PPP6R3: variants seen among roughly 807,000 people sequenced by gnomAD.
The protein encoded by PPP6R3 is serine/threonine-protein phosphatase 6 regulatory subunit 3.
PPP6R3 carries 38 observed loss-of-function variants against 110.7 expected under a neutral mutation model. That is an observed-to-expected ratio of 0.34 (90% CI 0.26 to 0.45). The LOEUF is 0.45. Ranked by LOEUF, PPP6R3 falls within the 20% of genes least tolerant of loss-of-function variation. The pLI, the probability that PPP6R3 is intolerant of heterozygous loss-of-function variation, is 1.00. For missense variants in PPP6R3, 870 were observed against 1,062.4 expected (o/e 0.82, Z 2.52); for synonymous variants, 369 against 373.5 (o/e 0.99, Z 0.14).
chr11:68,589,388 A>T (rs1265752212), intron 16 of PPP6R3, among the ~76,000 whole-genome samples: 1 of 152,286 alleles, frequency 6.6e-6, no homozygotes, highest in South Asian at 2.1e-4. Context: ...CAGACACACT[A>T]ACCACTCATT....
intron 1 of PPP6R3, among the ~76,000 whole-genome samples, chr11:68,477,734 AAAAAAAAATATATAT>A (rs2098842579): frequency 1.2e-5 from 1 of 81,916 alleles, no homozygotes; most frequent in African/African-American, 4.4e-5. Context: ...CTCTTAAAAA[AAAAAAAAATATATAT>A]ATATATATAT....
At chr11:68,567,776 A>G (rs1053398798) in intron 10 of PPP6R3, among the ~76,000 whole-genome samples, 4 of 152,284 alleles carry the variant, frequency 2.6e-5, no homozygotes, top group East Asian at 3.9e-4. Flanking sequence ...GAGGGTTAAC[A>G]CTTTAGCAGG....
At chr11:68,509,743 A>ATT (rs1491379977) in intron 1 of PPP6R3, among the ~76,000 whole-genome samples, 8 of 56,252 alleles carry the variant, frequency 1.4e-4, no homozygotes, top group South Asian at 1.3e-3. Flanking sequence ...GCATGTGGCT[A>ATT]ATTTTTTTTT....
chr11:68,569,242 C>T (rs1027559669), intron 10 of PPP6R3, among the ~76,000 whole-genome samples: 6 of 152,070 alleles, frequency 3.9e-5, no homozygotes, highest in African/African-American at 2.4e-5. Context: ...GCAGATAGCA[C>T]GCCATTTAGG....
At chr11:68,527,504 G>A (rs937774123) in intron 2 of PPP6R3, among the ~76,000 whole-genome samples, 1 of 152,144 alleles carries the variant, frequency 6.6e-6, no homozygotes, top group Non-Finnish European at 1.5e-5. Context: ...CCCAAAAGAG[G>A]TTTGTCCTCT....
chr11:68,502,353 A>G (rs2099053147), intron 1 of PPP6R3, among the ~76,000 whole-genome samples: 2 of 152,284 alleles, frequency 1.3e-5, no homozygotes, highest in African/African-American at 2.4e-5. Flanking sequence ...CTTAGATGAA[A>G]CTAGTCATAT....
intron 1 of PPP6R3, among the ~76,000 whole-genome samples, chr11:68,495,118 TTCTTCCCTAGCC>T: frequency 6.6e-6 from 1 of 152,310 alleles, no homozygotes; most frequent in South Asian, 2.1e-4. Flanking sequence ...CATTTGTGTG[TTCTTCCCTAGCC>T]ACTTCCCTAC....
chr11:68,543,076 T>C (rs961731717), intron 3 of PPP6R3, among the ~76,000 whole-genome samples: 4 of 152,210 alleles, frequency 2.6e-5, no homozygotes, highest in African/African-American at 7.2e-5. Context: ...TAAACACTTA[T>C]TTACTTTATG....
intron 16 of PPP6R3, among the ~76,000 whole-genome samples, chr11:68,589,788 C>T (rs1339176109): frequency 6.6e-6 from 1 of 152,190 alleles, no homozygotes; most frequent in Non-Finnish European, 1.5e-5. Flanking sequence ...TTTTACAGCA[C>T]GCTCTTAATT....
intron 1 of PPP6R3, among the ~76,000 whole-genome samples, chr11:68,483,639 G>C (rs1409968091): frequency 6.6e-6 from 1 of 152,136 alleles, no homozygotes; most frequent in South Asian, 2.1e-4. Flanking sequence ...TTTGCCACCA[G>C]ACTGGCTAAC....
intron 20 of PPP6R3, 128 bp from the exon 21 acceptor site, chr11:68,601,735 C>T: frequency 1.5e-6 from 1 of 681,438 alleles, no homozygotes; most frequent in Non-Finnish European, 2.5e-6. Context: ...GAGTTTGTAA[C>T]CCAGTGACTC....
At chr11:68,548,299 A>C in intron 5 of PPP6R3, 95 bp downstream of exon 5, 3 of 1,477,948 alleles carry the variant, frequency 2.0e-6, no homozygotes, top group Admixed American at 4.2e-5. Context: ...GCATGGGATT[A>C]GGGTTGGTAG....
chr11:68,590,808 C>G (rs1184040459), intron 17 of PPP6R3, 94 bp downstream of exon 17: 1 of 1,338,654 alleles, frequency 7.5e-7, no homozygotes, highest in African/African-American at 1.5e-5. Flanking sequence ...GACCCCTGTG[C>G]TCTAGAGCCC....
intron 17 of PPP6R3, among the ~76,000 whole-genome samples, chr11:68,591,283 T>C (rs2099594595): frequency 6.6e-6 from 1 of 152,094 alleles, no homozygotes; most frequent in Non-Finnish European, 1.5e-5. Context: ...TGGGACCGCA[T>C]CTCCAGGACA....
At position 68,590,648 on chromosome 11, in the gene PPP6R3, GT is replaced by G. The variant is rs544993767; in HGVS notation, c.1731-5del. 4.7e-5 allele frequency: 73 copies of G among 1,538,810 alleles called. No homozygotes were observed. Among genetic ancestry groups the G allele is most frequent in the Admixed American group, 1.7e-4 (10 of 57,514 alleles). On this transcript the variant is annotated splice_polypyrimidine_tract_variant and intron_variant, in intron 16 of 23. Coordinates refer to ENST00000393800, the MANE Select transcript of PPP6R3 (RefSeq NM_001164161.2). ...TTAATGCTTCCTACACTTTTATTTT[GT>G]TTTTTTACAGTGTTTCTTTTGATCG...
At chr11:68,577,669 G>C (rs1245988272) in intron 14 of PPP6R3, among the ~76,000 whole-genome samples, 1 of 152,182 alleles carries the variant, frequency 6.6e-6, no homozygotes, top group South Asian at 2.1e-4. Flanking sequence ...CAGCAGATCT[G>C]CTCTGGGATT....
At chr11:68,606,201 T>G (rs1939684518) in intron 22 of PPP6R3, among the ~76,000 whole-genome samples, 1 of 152,174 alleles carries the variant, frequency 6.6e-6, no homozygotes, top group African/African-American at 2.4e-5. Context: ...GTCATTTGAT[T>G]TTTTTTATAA....
intron 20 of PPP6R3, 60 bp downstream of exon 20, chr11:68,600,554 T>A: frequency 6.4e-7 from 1 of 1,554,620 alleles, no homozygotes; most frequent in East Asian, 2.3e-5. Flanking sequence ...TGGTCAGGTG[T>A]TTGCTGTTAA....
At chr11:68,541,990 A>G (rs1049183399) in intron 3 of PPP6R3, among the ~76,000 whole-genome samples, 1 of 152,032 alleles carries the variant, frequency 6.6e-6, no homozygotes, top group African/African-American at 2.4e-5. Context: ...ACAGGAGCAG[A>G]GAGGAAGTGG....
Sources: gnomAD v4.1 joint callset for allele counts (sites outside exome capture counted in the v4.1 genomes callset) on GRCh38, gnomAD v4.1.1 for gene constraint, MANE v1.5 for transcripts, NCBI Gene and HGNC (gene_info 2026-07-23, HGNC 2026-07-21) for gene names.